The following ST6GALNAC3 variants were observed in gnomAD, a reference collection of about 807,000 sequenced individuals.
ST6GALNAC3 encodes ST6 N-acetylgalactosaminide alpha-2,6-sialyltransferase 3.
Under a neutral mutation model 32.7 loss-of-function variants are expected in ST6GALNAC3, and 25 were observed. The ratio of observed to expected loss-of-function variants is 0.76; its 90% confidence interval spans 0.56 to 1.07. ST6GALNAC3 has a LOEUF of 1.07. ST6GALNAC3 is among the 50% of genes least tolerant of loss of function. ST6GALNAC3 has a pLI of 0.00. For missense variants in ST6GALNAC3, 355 were observed against 382.4 expected (o/e 0.93, Z 0.60); for synonymous variants, 129 against 133.1 (o/e 0.97, Z 0.21).
At chr1:76,625,096 G>A (rs2100716880) in intron 3 of ST6GALNAC3, among the ~76,000 whole-genome samples, 1 of 152,090 alleles carries the variant, frequency 6.6e-6, no homozygotes, top group Middle Eastern at 3.4e-3. Flanking sequence ...AGTAGCAGCA[G>A]AGCTGCAATA....
At chr1:76,459,652 G>C (rs1421435747) in intron 3 of ST6GALNAC3, among the ~76,000 whole-genome samples, 1 of 152,022 alleles carries the variant, frequency 6.6e-6, no homozygotes, top group Non-Finnish European at 1.5e-5. Context: ...CCTTGTTGTT[G>C]TACAGAACAG....
chr1:76,366,061 ATTTCT>A (rs1424081921), intron 2 of ST6GALNAC3, among the ~76,000 whole-genome samples: 1 of 152,016 alleles, frequency 6.6e-6, no homozygotes, highest in African/African-American at 2.4e-5. Flanking sequence ...ACTTTAGATG[ATTTCT>A]TTTTTTTAAA....
At chr1:76,160,110 G>A (rs932668807) in intron 1 of ST6GALNAC3, among the ~76,000 whole-genome samples, 2 of 152,110 alleles carry the variant, frequency 1.3e-5, no homozygotes, top group African/African-American at 4.8e-5. Context: ...TTTATAGGTG[G>A]ATAGAAAAGG....
chr1:76,283,965 G>A (rs1659638948), intron 1 of ST6GALNAC3, among the ~76,000 whole-genome samples: 2 of 152,110 alleles, frequency 1.3e-5, no homozygotes, highest in African/African-American at 4.8e-5. Context: ...TTATCATTAT[G>A]TTATTAGGAA....
At chr1:76,113,068 A>G (rs1478893681) in intron 1 of ST6GALNAC3, among the ~76,000 whole-genome samples, 2 of 151,940 alleles carry the variant, frequency 1.3e-5, no homozygotes, top group African/African-American at 2.4e-5. Flanking sequence ...GAGTGAACAC[A>G]ACTCCGTCTG....
intron 2 of ST6GALNAC3, among the ~76,000 whole-genome samples, chr1:76,383,316 T>G (rs536072543): frequency 8.5e-5 from 13 of 152,218 alleles, no homozygotes; most frequent in African/African-American, 3.1e-4. Context: ...TGTCACCCAG[T>G]CTAGAGTGCA....
chr1:76,118,311 A>T (rs1339278257), intron 1 of ST6GALNAC3, among the ~76,000 whole-genome samples: 2 of 152,242 alleles, frequency 1.3e-5, no homozygotes, highest in Non-Finnish European at 2.9e-5. Context: ...TTTGTAAAGC[A>T]GTTACCATAA....
At chr1:76,313,135 A>T (rs1228425692) in intron 1 of ST6GALNAC3, among the ~76,000 whole-genome samples, 2 of 152,140 alleles carry the variant, frequency 1.3e-5, no homozygotes, top group Non-Finnish European at 2.9e-5. Context: ...GGTGCTAGAT[A>T]CAGAAACAGA....
intron 3 of ST6GALNAC3, among the ~76,000 whole-genome samples, chr1:76,519,218 C>T (rs567075102): frequency 2.0e-5 from 3 of 151,824 alleles, no homozygotes; most frequent in African/African-American, 7.3e-5. Flanking sequence ...TCAAAAGACT[C>T]CTATTAGATA....
intron 2 of ST6GALNAC3, among the ~76,000 whole-genome samples, chr1:76,401,437 A>G (rs891390390): frequency 2.0e-5 from 3 of 152,158 alleles, no homozygotes; most frequent in Non-Finnish European, 4.4e-5. Flanking sequence ...CTCCAATCTC[A>G]TTGAACATCG....
intron 1 of ST6GALNAC3, among the ~76,000 whole-genome samples, chr1:76,077,013 C>T (rs1646825440): frequency 6.6e-6 from 1 of 152,182 alleles, no homozygotes; most frequent in Non-Finnish European, 1.5e-5. Context: ...GAGCAATCCC[C>T]TTCTCTGGTC....
intron 1 of ST6GALNAC3, among the ~76,000 whole-genome samples, chr1:76,086,990 C>T (rs1258051221): frequency 6.6e-6 from 1 of 152,142 alleles, no homozygotes; most frequent in Non-Finnish European, 1.5e-5. Flanking sequence ...ATATGTGCTG[C>T]CTTATTTATT....
intron 1 of ST6GALNAC3, among the ~76,000 whole-genome samples, chr1:76,113,939 C>T (rs928461179): frequency 3.3e-5 from 5 of 151,892 alleles, no homozygotes; most frequent in South Asian, 2.1e-4. Flanking sequence ...ATTCTCCTGC[C>T]TCAACCTCCT....
chr1:76,106,030 T>C (rs1647506817), intron 1 of ST6GALNAC3, among the ~76,000 whole-genome samples: 1 of 152,244 alleles, frequency 6.6e-6, no homozygotes. Flanking sequence ...CACTGTGACA[T>C]TAGGCACTTT....
intron 1 of ST6GALNAC3, among the ~76,000 whole-genome samples, chr1:76,159,772 A>G (rs1482746610): frequency 6.6e-6 from 1 of 152,234 alleles, no homozygotes; most frequent in Admixed American, 6.5e-5. Context: ...TTCAGAACAC[A>G]ATAATTCACA....
At chr1:76,255,788 G>A (rs1657886527) in intron 1 of ST6GALNAC3, among the ~76,000 whole-genome samples, 1 of 151,866 alleles carries the variant, frequency 6.6e-6, no homozygotes, top group Admixed American at 6.6e-5. Flanking sequence ...TGCGTGGGAG[G>A]AAAGGATATC....
chr1:76,202,268 ATGTGTG>A (rs58107501), intron 1 of ST6GALNAC3, among the ~76,000 whole-genome samples: 1,726 of 145,420 alleles, frequency 0.012, 36 homozygotes, highest in African/African-American at 0.041. Flanking sequence ...GTGTGCATGC[ATGTGTG>A]TGTGTGTGTG....
At chr1:76,445,465 A>G (rs115967032) in intron 3 of ST6GALNAC3, among the ~76,000 whole-genome samples, 2,534 of 152,250 alleles carry the variant, frequency 0.017, 31 homozygotes, top group Non-Finnish European at 0.02. Flanking sequence ...TGTTAAAACT[A>G]TTATGTGTAT....
chr1:76,110,717 T>C (rs1571171789), intron 1 of ST6GALNAC3, among the ~76,000 whole-genome samples: 1 of 152,218 alleles, frequency 6.6e-6, no homozygotes, highest in Non-Finnish European at 1.5e-5. Context: ...CTCCTCATGG[T>C]CTTTGGTCCC....
Sources: allele counts gnomAD v4.1 joint callset (sites outside exome capture counted in the v4.1 genomes callset), GRCh38; gene constraint gnomAD v4.1.1; transcripts MANE v1.5; gene names NCBI Gene and HGNC (gene_info 2026-07-23, HGNC 2026-07-21).